Variants in SPARCL1 observed in about 807,000 individuals in gnomAD.
SPARCL1 encodes the protein SPARC like 1.
A neutral mutation model predicts 67.1 loss-of-function variants in SPARCL1; 52 were observed. That is an observed-to-expected ratio of 0.78 (90% CI 0.62 to 0.98). The LOEUF is 0.98. SPARCL1 is among the 50% of genes least tolerant of loss of function. The pLI is 0.00. For synonymous variants in SPARCL1, 226 were observed against 267.8 expected (o/e 0.84, Z 1.52); for missense variants, 717 against 782.4 (o/e 0.92, Z 1.00).
intron 7 of SPARCL1, among the ~76,000 whole-genome samples, chr4:87,485,223 A>C (rs1378846306): frequency 6.6e-6 from 1 of 152,126 alleles, no homozygotes; most frequent in Non-Finnish European, 1.5e-5. Flanking sequence ...AGCTGTTATT[A>C]TTTTGAGATA....
intron 10 of SPARCL1, among the ~76,000 whole-genome samples, chr4:87,478,176 A>C (rs1723656576): frequency 6.6e-6 from 1 of 152,162 alleles, no homozygotes; most frequent in Non-Finnish European, 1.5e-5. Flanking sequence ...AACATGAATG[A>C]AATCTCTGTT....
chr4:87,522,888 A>C (rs1421805864), intron 1 of SPARCL1, among the ~76,000 whole-genome samples: 2 of 152,196 alleles, frequency 1.3e-5, no homozygotes, highest in Non-Finnish European at 2.9e-5. Context: ...CGTAAAAAAG[A>C]GGGATTTGAC....
At chr4:87,520,396 A>C (rs1725762260) in intron 1 of SPARCL1, among the ~76,000 whole-genome samples, 1 of 152,168 alleles carries the variant, frequency 6.6e-6, no homozygotes, top group Non-Finnish European at 1.5e-5. Context: ...GGGAGGGAGC[A>C]AGTGTTGGCT....
chr4:87,505,176 G>C (rs889235898), intron 1 of SPARCL1, among the ~76,000 whole-genome samples: 2 of 152,118 alleles, frequency 1.3e-5, no homozygotes, highest in Non-Finnish European at 2.9e-5. Context: ...ACAATGAAGA[G>C]TGAGACCTAG....
intron 8 of SPARCL1, among the ~76,000 whole-genome samples, chr4:87,480,892 A>G (rs1723796190): frequency 6.6e-6 from 1 of 150,738 alleles, no homozygotes; most frequent in African/African-American, 2.5e-5. Context: ...TTAGTTAGTG[A>G]AAAGTGCTGC....
At chr4:87,499,023 C>T (rs558865023) in intron 2 of SPARCL1, among the ~76,000 whole-genome samples, 4 of 151,950 alleles carry the variant, frequency 2.6e-5, no homozygotes, top group South Asian at 4.2e-4. Context: ...TACAGGTGCC[C>T]GCCACCATGC....
intron 7 of SPARCL1, among the ~76,000 whole-genome samples, chr4:87,488,437 A>G (rs1198364230): frequency 6.6e-6 from 1 of 152,128 alleles, no homozygotes; most frequent in Non-Finnish European, 1.5e-5. Flanking sequence ...CAGAACAGCA[A>G]ACATTGCTGC....
At chr4:87,486,857 G>C (rs1317180371) in intron 7 of SPARCL1, among the ~76,000 whole-genome samples, 1 of 57,372 alleles carries the variant, frequency 1.7e-5, no homozygotes, top group South Asian at 5.4e-4. Flanking sequence ...TTTAAAGCCT[G>C]TTTTATCTGA....
At chr4:87,488,642 C>T (rs967182107) in intron 7 of SPARCL1, among the ~76,000 whole-genome samples, 1 of 152,196 alleles carries the variant, frequency 6.6e-6, no homozygotes, top group African/African-American at 2.4e-5. Context: ...ATCTGCTGCT[C>T]TCTTCAGAGC....
At chr4:87,490,653 T>A in intron 6 of SPARCL1, 107 bp downstream of exon 6, 1 of 798,222 alleles carries the variant, frequency 1.3e-6, no homozygotes, top group Non-Finnish European at 2.0e-6. Flanking sequence ...AACCAAATGA[T>A]AACCTAGGTA....
intron 2 of SPARCL1, among the ~76,000 whole-genome samples, chr4:87,498,878 T>TG (rs2110234685): frequency 2.6e-5 from 2 of 76,800 alleles, no homozygotes; most frequent in East Asian, 6.7e-4. Context: ...GCACCCTAAG[T>TG]ATTTTTTTTT....
intron 2 of SPARCL1, 46 bp downstream of exon 2, chr4:87,499,475 A>T: frequency 1.4e-6 from 2 of 1,455,264 alleles, no homozygotes; most frequent in Non-Finnish European, 9.6e-7. Context: ...TTTCTGCATT[A>T]AATGTCAGGA....
At chr4:87,489,490 T>C (rs932251810) in intron 7 of SPARCL1, among the ~76,000 whole-genome samples, 10 of 152,198 alleles carry the variant, frequency 6.6e-5, no homozygotes, top group African/African-American at 2.4e-4. Context: ...CTTTCTGCGT[T>C]GATCTCACTG....
At chr4:87,505,174 GA>G (rs1179415794) in intron 1 of SPARCL1, among the ~76,000 whole-genome samples, 1 of 152,150 alleles carries the variant, frequency 6.6e-6, no homozygotes, top group Non-Finnish European at 1.5e-5. Flanking sequence ...GAACAATGAA[GA>G]GTGAGACCTA....
intron 7 of SPARCL1, among the ~76,000 whole-genome samples, chr4:87,487,086 G>A (rs528574311): frequency 2.3e-4 from 34 of 151,100 alleles, no homozygotes; most frequent in Middle Eastern, 3.4e-3. Context: ...CATTTAGCCC[G>A]TTTACATTTA....
At chr4:87,512,568 C>T (rs1178136609) in intron 1 of SPARCL1, among the ~76,000 whole-genome samples, 1 of 152,088 alleles carries the variant, frequency 6.6e-6, no homozygotes, top group Non-Finnish European at 1.5e-5. Flanking sequence ...GATGAGAGAC[C>T]ATGTGGCTGG....
Position 87,494,067 on chromosome 4 carries a change from C to G in SPARCL1, c.733G>C (p.Glu245Gln), listed in dbSNP as rs756567173. Residue 245 changes from glutamate to glutamine, a missense_variant, in exon 4 of 11, where the codon GAA (glutamate) becomes CAA (glutamine). Transcript: ENST00000282470. ...EDNTQSDDIL[E>Q]ESDQPTQVSK... ...ACTTGAGTTGGTTGATCAGACTCTT[C>G]CAAAATATCATCAGATTGGGTATTG... 82 of 1,613,918 alleles carry G rather than the reference C, an allele frequency of 5.1e-5. 1 individual carries two copies. In the South Asian group the frequency reaches 8.3e-4, roughly 16 times the overall value.
chr4:87,489,690 C>A (rs578146088), intron 7 of SPARCL1, among the ~76,000 whole-genome samples: 75 of 152,244 alleles, frequency 4.9e-4, no homozygotes, highest in African/African-American at 1.8e-3. Context: ...TTTCCCTGGA[C>A]AAAGCAAGAT....
intron 1 of SPARCL1, among the ~76,000 whole-genome samples, chr4:87,509,777 C>G (rs1725268315): frequency 6.6e-6 from 1 of 152,166 alleles, no homozygotes; most frequent in Non-Finnish European, 1.5e-5. Flanking sequence ...TTGTAAGTGT[C>G]TGTGTGTGCA....
Sources: allele counts gnomAD v4.1 joint callset (sites outside exome capture counted in the v4.1 genomes callset), GRCh38; gene constraint gnomAD v4.1.1; transcripts MANE v1.5; gene names NCBI Gene and HGNC (gene_info 2026-07-23, HGNC 2026-07-21).